The following NTRK3 variants were observed in gnomAD, a reference collection of about 807,000 sequenced individuals.
NTRK3 encodes the protein neurotrophic receptor tyrosine kinase 3.
A neutral mutation model predicts 91.7 loss-of-function variants in NTRK3; 24 were observed. The ratio of observed to expected loss-of-function variants is 0.26; its 90% CI spans 0.19 to 0.37. NTRK3 has a LOEUF of 0.37. Ranked by LOEUF, NTRK3 falls within the 10% of genes least tolerant of loss-of-function variation. NTRK3 has a pLI of 1.00. For missense variants in NTRK3, 880 were observed against 1,068.9 expected (o/e 0.82, Z 2.46); for synonymous variants, 483 against 404.0 (o/e 1.20, Z -2.34).
At chr15:88,108,631 G>C (rs981848133) in intron 13 of NTRK3, among the ~76,000 whole-genome samples, 6 of 152,190 alleles carry the variant, frequency 3.9e-5, no homozygotes, top group Non-Finnish European at 8.8e-5. Flanking sequence ...GATATCCAAA[G>C]ATAAATCAGA....
chr15:87,942,471 C>T (rs746193442), intron 14 of NTRK3, among the ~76,000 whole-genome samples: 2 of 152,126 alleles, frequency 1.3e-5, no homozygotes, highest in Non-Finnish European at 2.9e-5. Context: ...GGCCCTCTCT[C>T]GGGAGGCCAC....
intron 3 of NTRK3, among the ~76,000 whole-genome samples, chr15:88,238,155 G>GCCA (rs1173702862): frequency 6.6e-6 from 1 of 152,080 alleles, no homozygotes; most frequent in Non-Finnish European, 1.5e-5. Context: ...AACCAACCCT[G>GCCA]CCAACACCTT....
chr15:87,872,636 T>C (rs1455285074), exon 19 of NTRK3: 4 of 232,138 alleles, frequency 1.7e-5, no homozygotes, highest in East Asian at 1.2e-4. Flanking sequence ...AGTGACCTCC[T>C]GTGAAGAGCA....
intron 5 of NTRK3, among the ~76,000 whole-genome samples, chr15:88,174,984 C>G (rs1339530234): frequency 6.6e-6 from 1 of 152,246 alleles, no homozygotes; most frequent in Admixed American, 6.5e-5. Flanking sequence ...AGGTTCAAAA[C>G]TTTCCCTGTA....
chr15:88,137,710 T>C, intron 6 of NTRK3, 149 bp from the exon 7 acceptor site: 1 of 802,558 alleles, frequency 1.2e-6, no homozygotes, highest in East Asian at 2.7e-5. Flanking sequence ...GGAAAAATCC[T>C]TGTAAGTCCA....
At chr15:88,251,274 G>A (rs1449279912) in intron 3 of NTRK3, among the ~76,000 whole-genome samples, 2 of 152,226 alleles carry the variant, frequency 1.3e-5, no homozygotes, top group Non-Finnish European at 2.9e-5. Flanking sequence ...CCATCCCCAG[G>A]AGATGCCCTT....
chr15:87,864,872 G>A, exon 19 of NTRK3: 1 of 227,054 alleles, frequency 4.4e-6, no homozygotes, highest in Non-Finnish European at 8.8e-6. Context: ...GTCTGGCCCT[G>A]TACAGTTCAC....
intron 13 of NTRK3, among the ~76,000 whole-genome samples, chr15:88,093,074 GT>G (rs377164481): frequency 0.02 from 2,137 of 108,394 alleles, 10 homozygotes; most frequent in East Asian, 0.032. Flanking sequence ...TGTTTTTTTT[GT>G]TTTTTTTTTT....
intron 13 of NTRK3, among the ~76,000 whole-genome samples, chr15:88,086,190 G>A (rs1567368097): frequency 6.6e-6 from 1 of 152,186 alleles, no homozygotes; most frequent in Non-Finnish European, 1.5e-5. Flanking sequence ...CCAGTCTCAC[G>A]ACTGCAGATA....
At chr15:87,955,217 G>A (rs902470269) in intron 14 of NTRK3, among the ~76,000 whole-genome samples, 1 of 152,210 alleles carries the variant, frequency 6.6e-6, no homozygotes, top group African/African-American at 2.4e-5. Flanking sequence ...CGTGGACACA[G>A]AGACGAGTAT....
chr15:88,147,290 T>C (rs1161831483), intron 6 of NTRK3, 45 bp downstream of exon 6: 2 of 1,564,488 alleles, frequency 1.3e-6, no homozygotes, highest in African/African-American at 2.7e-5. Context: ...CATCCACCCA[T>C]TACCAGCACT....
At chr15:88,208,758 G>C (rs2048999115) in intron 3 of NTRK3, among the ~76,000 whole-genome samples, 1 of 152,186 alleles carries the variant, frequency 6.6e-6, no homozygotes, top group Non-Finnish European at 1.5e-5. Context: ...ATGGTTCCCA[G>C]TGCTGGCTGC....
At chr15:87,891,645 G>GT in intron 17 of NTRK3, among the ~76,000 whole-genome samples, 1 of 152,206 alleles carries the variant, frequency 6.6e-6, no homozygotes, top group Non-Finnish European at 1.5e-5. Context: ...CTGTTCTTGG[G>GT]TTTTTTCACT....
chr15:88,201,282 C>G (rs781244368), intron 3 of NTRK3, among the ~76,000 whole-genome samples: 1 of 152,126 alleles, frequency 6.6e-6, no homozygotes, highest in Non-Finnish European at 1.5e-5. Flanking sequence ...AGTTTTATTC[C>G]TTTTCCTCAC....
intron 17 of NTRK3, among the ~76,000 whole-genome samples, chr15:87,893,023 A>G (rs2141585461): frequency 6.6e-6 from 1 of 152,370 alleles, no homozygotes. Flanking sequence ...CAACTATTCA[A>G]AATTACTTTG....
chr15:87,895,578 T>G (rs1274693602), intron 17 of NTRK3, among the ~76,000 whole-genome samples: 1 of 152,210 alleles, frequency 6.6e-6, no homozygotes, highest in Non-Finnish European at 1.5e-5. Context: ...AAGTCTCTCG[T>G]GGGAAAAATC....
At chr15:87,972,989 A>G (rs776648282) in intron 14 of NTRK3, among the ~76,000 whole-genome samples, 1 of 152,162 alleles carries the variant, frequency 6.6e-6, no homozygotes, top group Non-Finnish European at 1.5e-5. Flanking sequence ...AAAGCAGAGC[A>G]TGCCCCAGTC....
intron 14 of NTRK3, among the ~76,000 whole-genome samples, chr15:87,987,111 C>G (rs1331284471): frequency 1.3e-5 from 2 of 152,224 alleles, no homozygotes; most frequent in Non-Finnish European, 2.9e-5. Context: ...GAATCAACAT[C>G]TGTGGTTTAA....
chr15:88,033,751 A>G (rs435879), intron 13 of NTRK3, among the ~76,000 whole-genome samples: 4,501 of 152,318 alleles, frequency 0.03, 244 homozygotes, highest in African/African-American at 0.1. Flanking sequence ...AAATCAAGGT[A>G]AATTTAAATG....
Sources: gnomAD v4.1 joint callset for allele counts (sites outside exome capture counted in the v4.1 genomes callset) on GRCh38, gnomAD v4.1.1 for gene constraint, MANE v1.5 for transcripts, NCBI Gene and HGNC (gene_info 2026-07-23, HGNC 2026-07-21) for gene names.